EXT1: variants seen among roughly 807,000 people sequenced by gnomAD.
EXT1 encodes the protein exostosin glycosyltransferase 1.
Under a neutral mutation model 82.5 loss-of-function variants are expected in EXT1, and 20 were observed. The ratio of observed to expected loss-of-function variants is 0.24; its 90% CI spans 0.17 to 0.35. The LOEUF is 0.35. Among genes scored for constraint, EXT1 ranks in the 10% least tolerant of loss-of-function variants. The pLI, the probability that EXT1 is intolerant of heterozygous loss-of-function variation, is 1.00. For synonymous variants in EXT1, 348 were observed against 350.8 expected (o/e 0.99, Z 0.09); for missense variants, 757 against 936.5 (o/e 0.81, Z 2.50).
chr8:117,968,769 C>A (rs569123506), intron 1 of EXT1, among the ~76,000 whole-genome samples: 1 of 113,668 alleles, frequency 8.8e-6, no homozygotes, highest in Non-Finnish European at 1.6e-5. Flanking sequence ...CGGGGTTTCA[C>A]CAGGTTAGCC....
intron 1 of EXT1, among the ~76,000 whole-genome samples, chr8:118,088,151 A>G (rs1817457715): frequency 6.6e-6 from 1 of 152,146 alleles, no homozygotes; most frequent in African/African-American, 2.4e-5. Context: ...AACTCAAATC[A>G]GCAAGGGATA....
At chr8:117,873,793 T>C (rs1420448547) in intron 1 of EXT1, among the ~76,000 whole-genome samples, 4 of 152,152 alleles carry the variant, frequency 2.6e-5, no homozygotes, top group African/African-American at 9.7e-5. Context: ...CATCTAAAGA[T>C]ATGCATCCCA....
At position 117,797,429 on chromosome 8, in the gene EXT1, A is replaced by G. The variant is rs536780114; in HGVS notation, c.*2283T>C. 6.6e-6 allele frequency: 1 copy of G among 152,250 alleles called. No homozygotes were observed. Among genetic ancestry groups the G allele is most frequent in the Non-Finnish European group, 1.5e-5 (1 of 68,038 alleles). The allele number at this position is 152,250 out of a possible 1,614,324, so 9.4% of individuals were successfully genotyped here. ...GTGTTGTGAGCTTGGTGACAGGTCA[A>G]TCTGGCAAAGCAGGTCCTTGAATCC... On this transcript the variant is annotated 3_prime_UTR_variant, in exon 11 of 11. Coordinates refer to ENST00000378204, the MANE Select transcript of EXT1 (RefSeq NM_000127.3).
In EXT1 at chr8:117,796,360, T is replaced by G. The variant is rs1823087820; in HGVS notation, c.*3352A>C. 2 of 75,578 alleles carry G rather than the reference T, an allele frequency of 2.6e-5. No individual in the cohort carries two copies. The highest frequency in any genetic ancestry group is 6.3e-5 in the Non-Finnish European group (2 of 31,780). 4.7% of individuals were successfully genotyped at this position (75,578 alleles called of 1,614,324 possible). A position where few individuals can be genotyped will look rare whatever the true frequency, so the allele number is the denominator to read the frequency against. On this transcript the variant is annotated 3_prime_UTR_variant, in exon 11 of 11. Coordinates refer to ENST00000378204, the MANE Select transcript of EXT1 (RefSeq NM_000127.3). ...GTTTGTTCTTAAATCAAGTGCCCTGTTTTTTTTTTTTTTAATTAAAAAAAA... is the reference window on the plus strand; with the variant it reads ...GTTTGTTCTTAAATCAAGTGCCCTGGTTTTTTTTTTTTTAATTAAAAAAAA...
At chr8:117,960,828 T>C (rs180812520) in intron 1 of EXT1, among the ~76,000 whole-genome samples, 1 of 152,142 alleles carries the variant, frequency 6.6e-6, no homozygotes, top group Non-Finnish European at 1.5e-5. Context: ...CTGGGGCAAT[T>C]TGTGTGAGTG....
chr8:118,097,700 G>A (rs1449692878), intron 1 of EXT1, among the ~76,000 whole-genome samples: 1 of 152,174 alleles, frequency 6.6e-6, no homozygotes, highest in Non-Finnish European at 1.5e-5. Flanking sequence ...CTAGAAGGCA[G>A]GTACGTGCAC....
At chr8:117,982,082 T>A (rs557332034) in intron 1 of EXT1, among the ~76,000 whole-genome samples, 1 of 152,296 alleles carries the variant, frequency 6.6e-6, no homozygotes, top group African/African-American at 2.4e-5. Context: ...ACAACACCCA[T>A]GTTTTAGCTC....
At position 117,973,093 on chromosome 8, in the gene EXT1, A is replaced by G. The variant is rs1346985364; in HGVS notation, c.963-135892T>C. ...TCAAACACAAACCATGTAGTATTTT[A>G]GAACCATTGTAAAATATTTGATTCT... On this transcript the variant is annotated intron_variant, in intron 1 of 10. Coordinates refer to ENST00000378204, the MANE Select transcript of EXT1 (RefSeq NM_000127.3). Among the ~76,000 whole-genome samples the G allele has an allele frequency of 2.0e-5, 3 of 152,354 alleles. No individual in the cohort carries two copies. The East Asian group carries it at 5.8e-4, about 29-fold the overall frequency.
chr8:117,824,299 A>G (rs1239231982), intron 4 of EXT1, among the ~76,000 whole-genome samples: 1 of 152,200 alleles, frequency 6.6e-6, no homozygotes, highest in Non-Finnish European at 1.5e-5. Context: ...TATGCTTGTC[A>G]TTGTCATAGA....
At chr8:117,851,043 A>C (rs1352730904) in intron 1 of EXT1, among the ~76,000 whole-genome samples, 1 of 152,198 alleles carries the variant, frequency 6.6e-6, no homozygotes, top group Non-Finnish European at 1.5e-5. Context: ...GGAACTTAGA[A>C]AGTGGAGATG....
chr8:118,029,249 T>C (rs1013953456), intron 1 of EXT1, among the ~76,000 whole-genome samples: 4 of 152,038 alleles, frequency 2.6e-5, no homozygotes, highest in Non-Finnish European at 5.9e-5. Flanking sequence ...TGCAACATAG[T>C]AAGACCCAGT....
chr8:118,054,576 G>A (rs1310068873), intron 1 of EXT1, among the ~76,000 whole-genome samples: 4 of 152,088 alleles, frequency 2.6e-5, no homozygotes, highest in Admixed American at 6.5e-5. Context: ...TCCTTCAAAC[G>A]ACCCTAAAAT....
chr8:117,930,658 G>T (rs774233444), intron 1 of EXT1, among the ~76,000 whole-genome samples: 16 of 152,136 alleles, frequency 1.1e-4, no homozygotes, highest in Non-Finnish European at 2.2e-4. Context: ...TTTCCAACAG[G>T]CAGACAGATT....
chr8:117,969,677 G>T (rs752622829), intron 1 of EXT1, among the ~76,000 whole-genome samples: 1 of 152,204 alleles, frequency 6.6e-6, no homozygotes, highest in Admixed American at 6.5e-5. Context: ...TGTGGTGGTG[G>T]CAGTGGTGTG....
At chr8:118,068,999 T>A (rs1817039298) in intron 1 of EXT1, among the ~76,000 whole-genome samples, 1 of 152,184 alleles carries the variant, frequency 6.6e-6, no homozygotes, top group Non-Finnish European at 1.5e-5. Flanking sequence ...TGGAGAGGCC[T>A]TTCCCCTGGA....
chr8:118,006,540 C>A (rs1396723306), intron 1 of EXT1, among the ~76,000 whole-genome samples: 1 of 152,032 alleles, frequency 6.6e-6, no homozygotes, highest in African/African-American at 2.4e-5. Context: ...CCTTGAAGGT[C>A]AAAAATCGTA....
At chr8:117,889,010 G>T (rs1377313106) in intron 1 of EXT1, among the ~76,000 whole-genome samples, 1 of 152,178 alleles carries the variant, frequency 6.6e-6, no homozygotes, top group Non-Finnish European at 1.5e-5. Flanking sequence ...TGGTTCACCA[G>T]GAGCTCCTGC....
intron 7 of EXT1, 136 bp from the exon 8 acceptor site, chr8:117,813,097 A>G: frequency 1.4e-6 from 1 of 726,472 alleles, no homozygotes; most frequent in South Asian, 1.6e-5. Flanking sequence ...TCAACACCGA[A>G]GGAATCTCAT....
intron 1 of EXT1, among the ~76,000 whole-genome samples, chr8:117,908,617 G>A (rs865798040): frequency 2.9e-4 from 44 of 151,938 alleles, no homozygotes; most frequent in African/African-American, 5.3e-4. Context: ...GCAACAGAGC[G>A]AGACACCATC....
Sources: allele counts gnomAD v4.1 joint callset (sites outside exome capture counted in the v4.1 genomes callset), GRCh38; gene constraint gnomAD v4.1.1; transcripts MANE v1.5; gene names NCBI Gene and HGNC (gene_info 2026-07-23, HGNC 2026-07-21).